The following LRRC4C variants were observed in gnomAD, a reference collection of about 807,000 sequenced individuals.
LRRC4C encodes leucine-rich repeat-containing protein 4C.
LRRC4C carries 5 observed loss-of-function variants against 33.6 expected under a neutral mutation model. The observed-to-expected ratio is 0.15, with a 90% CI of 0.08 to 0.31. The LOEUF is 0.31. Among genes scored for constraint, LRRC4C ranks in the 10% least tolerant of loss-of-function variants. LRRC4C has a pLI of 1.00. For synonymous variants in LRRC4C, 329 were observed against 302.0 expected (o/e 1.09, Z -0.93); for missense variants, 560 against 796.7 (o/e 0.70, Z 3.58).
chr11:41,198,467 A>C (rs186779671), intron 1 of LRRC4C, among the ~76,000 whole-genome samples: 1 of 152,176 alleles, frequency 6.6e-6, no homozygotes, highest in Admixed American at 6.6e-5. Flanking sequence ...GTCAATAAAC[A>C]CAACTTTGAC....
intron 2 of LRRC4C, among the ~76,000 whole-genome samples, chr11:40,838,417 A>C (rs1261249713): frequency 2.0e-5 from 3 of 152,184 alleles, no homozygotes; most frequent in Non-Finnish European, 4.4e-5. Flanking sequence ...ATGTGCATTG[A>C]AAATTTCATC....
At chr11:41,367,976 T>C (rs900927754) in intron 1 of LRRC4C, among the ~76,000 whole-genome samples, 6 of 152,210 alleles carry the variant, frequency 3.9e-5, no homozygotes, top group African/African-American at 1.4e-4. Context: ...AGCAATTTTT[T>C]TGCCTTAGAT....
chr11:40,577,190 C>A (rs1260522879), intron 3 of LRRC4C, among the ~76,000 whole-genome samples: 2 of 152,140 alleles, frequency 1.3e-5, no homozygotes, highest in Admixed American at 6.5e-5. Context: ...AGAAAAAGAG[C>A]AACCCAAAAT....
intron 1 of LRRC4C, among the ~76,000 whole-genome samples, chr11:41,241,994 C>T (rs929564967): frequency 6.6e-6 from 1 of 152,068 alleles, no homozygotes; most frequent in Admixed American, 6.5e-5. Context: ...ATTTTCTTTG[C>T]TTAAGTTTTT....
chr11:40,588,561 G>T (rs939510782), intron 3 of LRRC4C, among the ~76,000 whole-genome samples: 52 of 151,634 alleles, frequency 3.4e-4, no homozygotes, highest in Non-Finnish European at 2.5e-4. Context: ...TCTTTTAATT[G>T]TGATGTTAGG....
chr11:41,279,183 C>G, intron 1 of LRRC4C, among the ~76,000 whole-genome samples: 1 of 151,986 alleles, frequency 6.6e-6, no homozygotes, highest in East Asian at 1.9e-4. Flanking sequence ...TATATATGCA[C>G]CACATTTTCT....
At chr11:40,951,974 ATTATC>A (rs1353186096) in intron 1 of LRRC4C, among the ~76,000 whole-genome samples, 2 of 151,918 alleles carry the variant, frequency 1.3e-5, no homozygotes, top group Non-Finnish European at 2.9e-5. Context: ...GGGTACAATA[ATTATC>A]TCAAAATTTG....
rs149967970 is a variant in LRRC4C at position 40,199,200 on chromosome 11, A to T, written c.-96+42319T>A. ...ATTCTCCTGCCTCAGCCTCCTGAGC[A>T]GCTGGGATTACAGGTGCCCACTACC... On this transcript the variant is annotated intron_variant, in intron 5 of 6. Transcript: ENST00000528697. Among the ~76,000 whole-genome samples the T allele has an allele frequency of 2.4e-3, 370 of 152,278 alleles. 4 individuals are homozygous for T. Among genetic ancestry groups the T allele is most frequent in the Admixed American group, 0.02 (299 of 15,294 alleles).
chr11:41,229,663 A>G (rs991658398), intron 1 of LRRC4C, among the ~76,000 whole-genome samples: 2 of 152,030 alleles, frequency 1.3e-5, no homozygotes, highest in African/African-American at 4.8e-5. Flanking sequence ...GGTGGTCAGA[A>G]TTTTTCTAGT....
chr11:40,757,027 C>T (rs1948986346), intron 2 of LRRC4C, among the ~76,000 whole-genome samples: 1 of 152,024 alleles, frequency 6.6e-6, no homozygotes, highest in South Asian at 2.1e-4. Context: ...AAATTTCATA[C>T]TCTTTCTTTT....
chr11:40,442,551 A>G (rs1951444989), intron 3 of LRRC4C, among the ~76,000 whole-genome samples: 2 of 152,314 alleles, frequency 1.3e-5, no homozygotes, highest in South Asian at 4.1e-4. Context: ...GGAATCTACT[A>G]TCAATGCTTC....
intron 3 of LRRC4C, among the ~76,000 whole-genome samples, chr11:40,462,851 G>C (rs368399497): frequency 6.6e-6 from 1 of 151,800 alleles, no homozygotes; most frequent in Non-Finnish European, 1.5e-5. Flanking sequence ...AACCTCCTTA[G>C]GTTTTATCCT....
intron 1 of LRRC4C, among the ~76,000 whole-genome samples, chr11:41,353,271 G>T (rs1376072759): frequency 6.6e-6 from 1 of 151,890 alleles, no homozygotes; most frequent in African/African-American, 2.4e-5. Flanking sequence ...AAACCTAAAA[G>T]AAATGAATAA....
At chr11:40,617,077 A>G (rs890254611) in intron 3 of LRRC4C, among the ~76,000 whole-genome samples, 5 of 151,742 alleles carry the variant, frequency 3.3e-5, no homozygotes, top group Non-Finnish European at 7.4e-5. Context: ...TGTCTCACCC[A>G]CATCTAGGTG....
At chr11:40,802,981 G>A (rs551599990) in intron 2 of LRRC4C, among the ~76,000 whole-genome samples, 4 of 152,132 alleles carry the variant, frequency 2.6e-5, no homozygotes, top group Non-Finnish European at 5.9e-5. Context: ...ATGCAAAAAG[G>A]ATTCATGATT....
chr11:40,982,655 C>A (rs1475022280), intron 1 of LRRC4C, among the ~76,000 whole-genome samples: 1 of 149,338 alleles, frequency 6.7e-6, no homozygotes, highest in African/African-American at 2.5e-5. Flanking sequence ...CTGAAATTTT[C>A]TTTTTTTTTT....
intron 2 of LRRC4C, among the ~76,000 whole-genome samples, chr11:40,862,477 C>T (rs1397177692): frequency 2.0e-5 from 3 of 152,112 alleles, no homozygotes; most frequent in Admixed American, 6.6e-5. Context: ...TACAACAAAT[C>T]CAAATATGCT....
chr11:40,418,757 A>G (rs1449145954), intron 3 of LRRC4C, among the ~76,000 whole-genome samples: 1 of 152,246 alleles, frequency 6.6e-6, no homozygotes, highest in Admixed American at 6.5e-5. Context: ...GGGTACACAT[A>G]CACCATTGAA....
At chr11:41,261,348 G>T (rs1489325036) in intron 1 of LRRC4C, among the ~76,000 whole-genome samples, 2 of 152,024 alleles carry the variant, frequency 1.3e-5, no homozygotes, top group East Asian at 1.9e-4. Context: ...ATTTATAAAT[G>T]ACCCAGTATA....
Sources: gnomAD v4.1 joint callset for allele counts (sites outside exome capture counted in the v4.1 genomes callset) on GRCh38, gnomAD v4.1.1 for gene constraint, MANE v1.5 for transcripts, NCBI Gene and HGNC (gene_info 2026-07-23, HGNC 2026-07-21) for gene names.